Variants in PPP6C observed in about 807,000 individuals in gnomAD.
The protein encoded by PPP6C is protein phosphatase 6 catalytic subunit.
Under a neutral mutation model 39.8 loss-of-function variants are expected in PPP6C, and 11 were observed. That is an observed-to-expected ratio of 0.28 (90% confidence interval 0.17 to 0.46). The LOEUF (loss-of-function observed/expected upper bound fraction) is 0.46. Among genes scored for constraint, PPP6C ranks in the 20% least tolerant of loss-of-function variants. The probability of loss-of-function intolerance (pLI) is 1.00; values close to 1 mark genes in which losing one functional copy is unlikely to be tolerated. For missense variants in PPP6C, 211 were observed against 373.9 expected, an observed-to-expected ratio of 0.56 and a Z score of 3.59; for synonymous variants, 129 against 130.3, an observed-to-expected ratio of 0.99 and a Z score of 0.07.
chr9:125,184,853 G>A (rs988002567), intron 1 of PPP6C, among the ~76,000 whole-genome samples: 2 of 150,962 alleles, frequency 1.3e-5, no homozygotes, highest in African/African-American at 2.4e-5. Context: ...GTGGTAGTGC[G>A]CACCTGTAAT....
chr9:125,160,249 G>A (rs1828829178), intron 3 of PPP6C, among the ~76,000 whole-genome samples: 1 of 152,120 alleles, frequency 6.6e-6, no homozygotes, highest in Non-Finnish European at 1.5e-5. Flanking sequence ...TTAAACCAGG[G>A]GTTCTGGGTT....
At chr9:125,166,763 A>G (rs1284399547) in intron 2 of PPP6C, among the ~76,000 whole-genome samples, 1 of 151,852 alleles carries the variant, frequency 6.6e-6, no homozygotes, top group African/African-American at 2.4e-5. Context: ...TGAACTCCCG[A>G]CCTCAGGTGA....
chr9:125,158,265 T>C lies in PPP6C; in HGVS notation c.355A>G (p.Ile119Val). 1.2e-6 allele frequency: 2 copies of C among 1,608,824 alleles called. No homozygotes were observed. The highest frequency in any genetic ancestry group is 1.7e-6 in the Non-Finnish European group (2 of 1,175,576). ...LLRGNHESRQ[I>V]TQVYGFYDEC... Reference sequence around the variant, plus strand: ...CCATAAAATCCATAGACCTGTGTTATCTGTCTACTCTCATGATTTCCTCGC... The same window carrying C: ...CCATAAAATCCATAGACCTGTGTTACCTGTCTACTCTCATGATTTCCTCGC... The change falls in exon 4 of 7, where the codon ATA (isoleucine) becomes GTA (valine). Residue 119 changes from isoleucine to valine, a missense_variant. Transcript: ENST00000373547.
chr9:125,163,430 TTTG>T (rs952383190), intron 2 of PPP6C, among the ~76,000 whole-genome samples: 9 of 152,164 alleles, frequency 5.9e-5, no homozygotes, highest in Non-Finnish European at 8.8e-5. Context: ...GATATGTTTT[TTTG>T]TTTTGTTTTG....
intron 3 of PPP6C, 57 bp downstream of exon 3, chr9:125,160,784 A>G: frequency 1.6e-6 from 2 of 1,228,288 alleles, no homozygotes; most frequent in Non-Finnish European, 2.3e-6. Context: ...TTTACATTTA[A>G]TAAGTCAGAT....
intron 6 of PPP6C, chr9:125,151,182 C>T: frequency 6.7e-7 from 1 of 1,490,428 alleles, no homozygotes; most frequent in Non-Finnish European, 9.4e-7. Flanking sequence ...GAGTGACCTC[C>T]ATTGCAGACA....
intron 1 of PPP6C, among the ~76,000 whole-genome samples, chr9:125,178,511 T>C (rs1381305893): frequency 6.6e-6 from 1 of 152,216 alleles, no homozygotes; most frequent in African/African-American, 2.4e-5. Flanking sequence ...TATTATATCT[T>C]ACTAATATTC....
At position 125,153,977 on chromosome 9, in the gene PPP6C, G is replaced by C. The variant is rs1177287386; in HGVS notation, c.388C>G (p.Gln130Glu). The C allele has an allele frequency of 6.2e-7, 1 of 1,606,814 alleles. No individual in the cohort carries two copies. The highest frequency in any genetic ancestry group is 1.1e-5 in the South Asian group (1 of 90,750). ...GCATTAGCATTTCCATATTTGGTTTGGCACTCATCTGTGAAAGAAACAGAA... is the reference window on the plus strand; with the variant it reads ...GCATTAGCATTTCCATATTTGGTTTCGCACTCATCTGTGAAAGAAACAGAA... ...TQVYGFYDEC[Q>E]TKYGNANAWR... The change falls in exon 5 of 7, where the codon CAA becomes GAA. Residue 130 changes from glutamine (Q) to glutamate (E), a missense_variant. Gln to Glu is a conservative substitution (Grantham distance 29, BLOSUM62 2). This residue lies in a region of PPP6C where 168 missense variants were observed against 342.6 expected (regional missense o/e 0.49). Coordinates refer to ENST00000373547, the MANE Select transcript of PPP6C (RefSeq NM_002721.5).
intron 4 of PPP6C, among the ~76,000 whole-genome samples, chr9:125,157,532 CATAT>C (rs1002808998): frequency 2.0e-5 from 3 of 152,016 alleles, no homozygotes; most frequent in African/African-American, 7.2e-5. Context: ...CGTGTTTGTA[CATAT>C]ATAAACACAC....
rs1256541415 is a variant in PPP6C at position 125,167,098 on chromosome 9, G to T, written c.171+3987C>A. Among the ~76,000 whole-genome samples the T allele has an allele frequency of 1.1e-4, 16 of 151,742 alleles. 1 individual carries two copies. Among genetic ancestry groups the T allele is most frequent in the Non-Finnish European group, 4.4e-5 (3 of 67,942 alleles). On this transcript the variant is annotated intron_variant, in intron 2 of 6. Coordinates refer to ENST00000373547, the MANE Select transcript of PPP6C (RefSeq NM_002721.5). Reference sequence around the variant, plus strand: ...TTCTTTTTAATATTTTTAGAGATGGGGGCCAGGTGCAGCGGCTCACACCTG... The same window carrying T: ...TTCTTTTTAATATTTTTAGAGATGGTGGCCAGGTGCAGCGGCTCACACCTG...
chr9:125,189,061 G>T, intron 1 of PPP6C: 1 of 763,022 alleles, frequency 1.3e-6, no homozygotes, highest in Non-Finnish European at 2.1e-6. Flanking sequence ...CTCTGAATTA[G>T]CAAAACCGAC....
intron 2 of PPP6C, among the ~76,000 whole-genome samples, chr9:125,161,147 T>C (rs1303243592): frequency 1.3e-5 from 2 of 152,224 alleles, no homozygotes; most frequent in Non-Finnish European, 2.9e-5. Context: ...CTTTCTCATT[T>C]TCTTTCATAC....
intron 1 of PPP6C, among the ~76,000 whole-genome samples, chr9:125,174,249 A>G (rs773430917): frequency 6.6e-6 from 1 of 152,236 alleles, no homozygotes; most frequent in Non-Finnish European, 1.5e-5. Context: ...AATATATGAG[A>G]AACACTTTAA....
At chr9:125,181,334 A>T (rs1007473165) in intron 1 of PPP6C, among the ~76,000 whole-genome samples, 1 of 151,120 alleles carries the variant, frequency 6.6e-6, no homozygotes, top group Non-Finnish European at 1.5e-5. Flanking sequence ...TCTGTTTTCT[A>T]TTTATTTATT....
intron 2 of PPP6C, among the ~76,000 whole-genome samples, chr9:125,168,787 A>T (rs1191022480): frequency 1.4e-5 from 2 of 143,020 alleles, no homozygotes; most frequent in Non-Finnish European, 3.1e-5. Flanking sequence ...TTCGAGACAG[A>T]GTCTCACTCT....
intron 1 of PPP6C, among the ~76,000 whole-genome samples, chr9:125,180,926 A>C (rs1001767231): frequency 1.3e-5 from 2 of 152,128 alleles, no homozygotes; most frequent in Non-Finnish European, 2.9e-5. Flanking sequence ...AACACGTGTA[A>C]ACTACCTAGC....
intron 2 of PPP6C, among the ~76,000 whole-genome samples, chr9:125,164,795 G>A (rs1480509702): frequency 6.6e-6 from 1 of 152,014 alleles, no homozygotes; most frequent in Non-Finnish European, 1.5e-5. Context: ...CTGGAGTGCA[G>A]TGGCATGATC....
rs2131299688 is a variant in PPP6C, at chr9:125,153,583, T to C, written c.619A>G (p.Ile207Val). 5 of 1,614,174 alleles carry C rather than the reference T, an allele frequency of 3.1e-6. No homozygotes were observed. The highest frequency in any genetic ancestry group is 2.2e-5 in the East Asian group (1 of 44,880). ...SDPEDVDTWAISPRGAGWLFG... is the reference protein window; with the variant it reads ...SDPEDVDTWAVSPRGAGWLFG... ...AGCCAACCTGCTCCTCGGGGACTGA[T>C]AGCCCAGGTATCCACATCTTCAGGA... Residue 207 changes from isoleucine (I) to valine (V), a missense_variant, in exon 6 of 7, where the codon ATC becomes GTC. Ile to Val is a conservative substitution (Grantham distance 29). This residue lies in a region of PPP6C where 168 missense variants were observed against 342.6 expected (regional missense o/e 0.49). Transcript: ENST00000373547.
At position 125,189,770 on chromosome 9, in the gene PPP6C, C is replaced by A. The variant is rs369907858; in HGVS notation, c.-52G>T. On this transcript the variant is annotated 5_prime_UTR_variant, in exon 1 of 7. Transcript: ENST00000373547. Reference sequence around the variant, plus strand: ...GCGGCGGCGGCGGCTGTAGCAGCGGCGGCGGCAGCGGCGGAGGCCGAAGCC... The same window carrying A: ...GCGGCGGCGGCGGCTGTAGCAGCGGAGGCGGCAGCGGCGGAGGCCGAAGCC... The A allele has an allele frequency of 6.5e-7, 1 of 1,535,910 alleles. No homozygotes were observed.
Sources: gnomAD v4.1 joint callset for allele counts (sites outside exome capture counted in the v4.1 genomes callset) on GRCh38, gnomAD v4.1.1 for gene constraint, gnomAD v4.1.1 regional missense constraint, MANE v1.5 for transcripts, NCBI Gene and HGNC (gene_info 2026-07-23, HGNC 2026-07-21) for gene names.